The following CSMD1 variants were observed in gnomAD, a reference collection of about 807,000 sequenced individuals.
The protein encoded by CSMD1 is CUB and sushi domain-containing protein 1.
A neutral mutation model predicts 417.5 loss-of-function variants in CSMD1; 213 were observed. That is an observed-to-expected ratio of 0.51 (90% CI 0.46 to 0.57). CSMD1 has a LOEUF of 0.57. Ranked by LOEUF, CSMD1 falls within the 20% of genes least tolerant of loss-of-function variation. The probability of loss-of-function intolerance (pLI) is 0.00; values close to 1 mark genes in which losing one functional copy is unlikely to be tolerated. For synonymous variants in CSMD1, 2,862 were observed against 1,736.8 expected (o/e 1.65, Z -16.11); for missense variants, 6,923 against 4,529.7 (o/e 1.53, Z -15.17).
chr8:4,241,708 C>CTT (rs113859833), intron 3 of CSMD1, among the ~76,000 whole-genome samples: 1 of 135,772 alleles, frequency 7.4e-6, no homozygotes, highest in African/African-American at 2.7e-5. Context: ...TTTTTTTTTT[C>CTT]TTTTTTTTTT....
intron 5 of CSMD1, among the ~76,000 whole-genome samples, chr8:3,861,342 A>C (rs897194926): frequency 1.3e-5 from 2 of 152,226 alleles, no homozygotes; most frequent in East Asian, 3.8e-4. Flanking sequence ...GCCGGGCTCC[A>C]CAACTCTGAT....
At chr8:4,867,133 CAT>C (rs1333227106) in intron 1 of CSMD1, among the ~76,000 whole-genome samples, 1 of 152,028 alleles carries the variant, frequency 6.6e-6, no homozygotes, top group African/African-American at 2.4e-5. Context: ...GAACTACACA[CAT>C]ATTATTTATA....
chr8:3,409,666 T>C, intron 12 of CSMD1, 61 bp from the exon 13 acceptor site: 3 of 1,335,170 alleles, frequency 2.2e-6, no homozygotes, highest in East Asian at 2.6e-5. Context: ...TTTTTATCTC[T>C]ACAACTTAGA....
chr8:4,091,345 T>A (rs1302520625), intron 3 of CSMD1, among the ~76,000 whole-genome samples: 2 of 152,232 alleles, frequency 1.3e-5, no homozygotes, highest in African/African-American at 2.4e-5. Flanking sequence ...GATTCCATCA[T>A]TGAATTTGAA....
At chr8:4,595,948 T>C (rs1304318469) in intron 2 of CSMD1, among the ~76,000 whole-genome samples, 5 of 152,088 alleles carry the variant, frequency 3.3e-5, no homozygotes, top group African/African-American at 1.2e-4. Context: ...CTAAACTATA[T>C]GAACTGTACC....
rs952919786 is a variant in CSMD1 at position 4,307,685 on chromosome 8, C to G, written c.415+112268G>C. On this transcript the variant is annotated intron_variant, in intron 3 of 69. Transcript: ENST00000635120. ...GGTTAAAATACAAATTTGTTGGTGA[C>G]TTTGCAAACGAACAGCACGATGCTC... Among the ~76,000 whole-genome samples, 101 of 152,106 alleles carry G rather than the reference C, an allele frequency of 6.6e-4. 2 individuals are homozygous for G. Among genetic ancestry groups the G allele is most frequent in the Non-Finnish European group, 2.5e-4 (17 of 68,036 alleles).
At chr8:3,389,274 C>T (rs1811203705) in intron 17 of CSMD1, among the ~76,000 whole-genome samples, 1 of 152,162 alleles carries the variant, frequency 6.6e-6, no homozygotes, top group African/African-American at 2.4e-5. Flanking sequence ...CTGCTACCCT[C>T]AACCCTCTGA....
At chr8:2,982,427 T>G (rs765303187) in intron 54 of CSMD1, among the ~76,000 whole-genome samples, 2 of 152,208 alleles carry the variant, frequency 1.3e-5, no homozygotes, top group Non-Finnish European at 2.9e-5. Context: ...TCTTTCAAAC[T>G]TTCTTGAGGA....
Position 4,492,710 on chromosome 8 carries a change from T to G in CSMD1, c.303-72645A>C, listed in dbSNP as rs1303787904. ...ATTTTTGAGAATGAGTCGTCACATGTAGACCCATGGAAACTGACCATGGGC... is the reference window on the plus strand; with the variant it reads ...ATTTTTGAGAATGAGTCGTCACATGGAGACCCATGGAAACTGACCATGGGC... On this transcript the variant is annotated intron_variant, in intron 2 of 69. Coordinates refer to ENST00000635120, the MANE Select transcript of CSMD1 (RefSeq NM_033225.6). 2.6e-5 allele frequency among the ~76,000 whole-genome samples: 4 copies of G among 152,194 alleles called. No homozygotes were observed. The East Asian group carries it at 7.7e-4, about 29-fold the overall frequency.
chr8:3,904,445 T>C (rs554122874), intron 5 of CSMD1, among the ~76,000 whole-genome samples: 1 of 152,146 alleles, frequency 6.6e-6, no homozygotes, highest in Non-Finnish European at 1.5e-5. Flanking sequence ...TCTAGGAATG[T>C]CCCAGAGATT....
chr8:4,281,746 A>C (rs1400397503), intron 3 of CSMD1, among the ~76,000 whole-genome samples: 1 of 152,210 alleles, frequency 6.6e-6, no homozygotes, highest in African/African-American at 2.4e-5. Flanking sequence ...TAATGTCTCT[A>C]CTTGTTTTCA....
chr8:4,570,498 T>C (rs1022845526), intron 2 of CSMD1, among the ~76,000 whole-genome samples: 8 of 152,118 alleles, frequency 5.3e-5, no homozygotes, highest in African/African-American at 1.7e-4. Context: ...CTGGATCATG[T>C]TGGATAAGCT....
At chr8:4,842,858 C>A (rs948183044) in intron 1 of CSMD1, among the ~76,000 whole-genome samples, 1 of 152,030 alleles carries the variant, frequency 6.6e-6, no homozygotes, top group Non-Finnish European at 1.5e-5. Context: ...CTTTTTTCAA[C>A]GCTTAAAGGC....
chr8:3,180,563 T>A (rs1821259450), intron 37 of CSMD1, among the ~76,000 whole-genome samples: 1 of 152,232 alleles, frequency 6.6e-6, no homozygotes, highest in East Asian at 1.9e-4. Flanking sequence ...TTATAGCAGT[T>A]ATATCTAATT....
intron 3 of CSMD1, among the ~76,000 whole-genome samples, chr8:4,357,179 A>C (rs556337044): frequency 6.6e-6 from 1 of 152,310 alleles, no homozygotes; most frequent in South Asian, 2.1e-4. Flanking sequence ...GCAAATGCTC[A>C]CACATGTAGT....
At chr8:3,033,843 C>G (rs1420112867) in intron 50 of CSMD1, among the ~76,000 whole-genome samples, 1 of 152,130 alleles carries the variant, frequency 6.6e-6, no homozygotes, top group Non-Finnish European at 1.5e-5. Context: ...ACCTTGAATT[C>G]CTACACAGTG....
chr8:3,478,950 C>A (rs961939143), intron 11 of CSMD1, among the ~76,000 whole-genome samples: 1 of 152,010 alleles, frequency 6.6e-6, no homozygotes, highest in Admixed American at 6.5e-5. Flanking sequence ...GAATAGGTGA[C>A]GGGGCACTGC....
chr8:4,766,461 C>G (rs964017746), intron 1 of CSMD1, among the ~76,000 whole-genome samples: 1 of 152,138 alleles, frequency 6.6e-6, no homozygotes, highest in Non-Finnish European at 1.5e-5. Context: ...ACGTGCTTTA[C>G]AAAGAAAAGA....
At chr8:4,183,922 A>G (rs187230211) in intron 3 of CSMD1, among the ~76,000 whole-genome samples, 3 of 152,268 alleles carry the variant, frequency 2.0e-5, no homozygotes, top group East Asian at 1.9e-4. Flanking sequence ...CAGCTACCAC[A>G]TGATAGTCTG....
Sources: allele counts gnomAD v4.1 joint callset (sites outside exome capture counted in the v4.1 genomes callset), GRCh38; gene constraint gnomAD v4.1.1; transcripts MANE v1.5; gene names NCBI Gene and HGNC (gene_info 2026-07-23, HGNC 2026-07-21).